Variants in GPHN observed in about 807,000 individuals in gnomAD.
GPHN encodes the protein gephyrin.
In GPHN, 17 loss-of-function variants were observed where a neutral mutation model predicts 95.5. The ratio of observed to expected loss-of-function variants is 0.18; its 90% confidence interval spans 0.12 to 0.27. The LOEUF (loss-of-function observed/expected upper bound fraction) is 0.27. Among genes scored for constraint, GPHN ranks in the 10% least tolerant of loss-of-function variants. The pLI, the probability that GPHN is intolerant of heterozygous loss-of-function variation, is 1.00. For missense variants in GPHN, 660 were observed against 978.1 expected (o/e 0.67, Z 4.34); for synonymous variants, 320 against 322.5 (o/e 0.99, Z 0.08).
At chr14:66,998,713 T>G (rs1343420973) in intron 9 of GPHN, among the ~76,000 whole-genome samples, 1 of 152,070 alleles carries the variant, frequency 6.6e-6, no homozygotes, top group African/African-American at 2.4e-5. Context: ...CACATTGGTT[T>G]ACCAATTGCA....
intron 1 of GPHN, among the ~76,000 whole-genome samples, chr14:66,666,734 G>T (rs1385025233): frequency 6.6e-6 from 1 of 152,170 alleles, no homozygotes; most frequent in East Asian, 1.9e-4. Flanking sequence ...ACAAGACAAG[G>T]ACGCCCTCTC....
At chr14:66,978,988 G>C (rs771183902) in intron 9 of GPHN, among the ~76,000 whole-genome samples, 79 of 152,282 alleles carry the variant, frequency 5.2e-4, no homozygotes, top group Non-Finnish European at 9.3e-4. Context: ...CAATGTCAAT[G>C]AATACTTATA....
At chr14:67,223,998 A>G in the GPHN span, 2 of 983,562 alleles carry the variant, frequency 2.0e-6, no homozygotes, top group East Asian at 1.1e-4. Context: ...ACTGCTCCCC[A>G]TAGTAGTAAA....
intron 8 of GPHN, among the ~76,000 whole-genome samples, chr14:66,938,161 A>G (rs1468710834): frequency 6.6e-6 from 1 of 152,194 alleles, no homozygotes; most frequent in Non-Finnish European, 1.5e-5. Context: ...GTACAATTAT[A>G]TCCTGTTTAA....
the GPHN span, chr14:67,387,403 T>A: frequency 6.2e-7 from 1 of 1,610,946 alleles, no homozygotes; most frequent in Non-Finnish European, 8.5e-7. Flanking sequence ...TAATAGTGTG[T>A]GTCATCCTTA....
At chr14:66,880,644 AAAG>A (rs950442766) in intron 5 of GPHN, among the ~76,000 whole-genome samples, 15 of 152,018 alleles carry the variant, frequency 9.9e-5, no homozygotes, top group African/African-American at 2.9e-4. Context: ...TTGTGAAAAA[AAAG>A]AAGCTCAATT....
chr14:66,652,226 T>A (rs1433284569), intron 1 of GPHN, among the ~76,000 whole-genome samples: 1 of 152,050 alleles, frequency 6.6e-6, no homozygotes, highest in Non-Finnish European at 1.5e-5. Context: ...GGAGATAGAG[T>A]GATAAACAAT....
chr14:67,457,083 C>T, the GPHN span, among the ~76,000 whole-genome samples: 5 of 152,086 alleles, frequency 3.3e-5, no homozygotes, highest in Admixed American at 6.6e-5. Flanking sequence ...ACACTGAGTA[C>T]ACATGGACAT....
At chr14:66,535,225 A>AT (rs1160734336) in intron 1 of GPHN, among the ~76,000 whole-genome samples, 1 of 151,864 alleles carries the variant, frequency 6.6e-6, no homozygotes, top group Admixed American at 6.6e-5. Flanking sequence ...ATTTGGCCCC[A>AT]TTTTTTGAAA....
At chr14:66,840,736 CAAAAAAAAA>C (rs553788734) in intron 4 of GPHN, among the ~76,000 whole-genome samples, 1 of 81,166 alleles carries the variant, frequency 1.2e-5, no homozygotes, top group Non-Finnish European at 3.2e-5. Context: ...GCAGGCCATA[CAAAAAAAAA>C]AAAAAAAAAC....
the GPHN span, among the ~76,000 whole-genome samples, chr14:67,474,358 T>TA: frequency 1.3e-5 from 2 of 152,154 alleles, no homozygotes; most frequent in Admixed American, 6.5e-5. Flanking sequence ...GAGGTGTCTG[T>TA]ACTCCCTAGA....
At chr14:66,631,396 A>T (rs1312010899) in intron 1 of GPHN, among the ~76,000 whole-genome samples, 1 of 152,134 alleles carries the variant, frequency 6.6e-6, no homozygotes, top group African/African-American at 2.4e-5. Context: ...AAACAAATGT[A>T]TTTATTATTC....
chr14:67,479,539 G>A, the GPHN span, among the ~76,000 whole-genome samples: 2 of 151,720 alleles, frequency 1.3e-5, no homozygotes, highest in Non-Finnish European at 2.9e-5. Flanking sequence ...CCAACATGGT[G>A]AAACCACATC....
At chr14:67,127,644 A>G (rs987400334) in intron 17 of GPHN, among the ~76,000 whole-genome samples, 2 of 152,228 alleles carry the variant, frequency 1.3e-5, no homozygotes, top group African/African-American at 4.8e-5. Context: ...CACAGGAAGT[A>G]TCAAGAATAT....
chr14:66,598,759 C>T (rs1031691833), intron 1 of GPHN, among the ~76,000 whole-genome samples: 4 of 151,262 alleles, frequency 2.6e-5, no homozygotes, highest in Non-Finnish European at 5.9e-5. Flanking sequence ...GCAGGAGAAT[C>T]GCTTGACCAC....
chr14:66,793,328 A>AG (rs1325533151), intron 3 of GPHN, among the ~76,000 whole-genome samples: 14 of 152,372 alleles, frequency 9.2e-5, no homozygotes, highest in Admixed American at 2.6e-4. Flanking sequence ...TATATTTGAC[A>AG]GGGAAAGCAC....
Position 67,178,514 on chromosome 14 carries a change from T to G in GPHN, c.2080-1064T>G, listed in dbSNP as rs577228352. Among the ~76,000 whole-genome samples, 8 of 152,346 alleles carry G rather than the reference T, an allele frequency of 5.3e-5. No individual in the cohort carries two copies. In the East Asian group the frequency reaches 1.5e-3, roughly 29 times the overall value. The stretch of plus-strand genomic sequence containing the variant: ...TAACATTTTTTCCTCCATTTCAACC[T>G]TGGTGAATCTGACGATTATGTGCCT... On this transcript the variant is annotated intron_variant, in intron 21 of 22. Coordinates refer to ENST00000478722, the MANE Select transcript of GPHN (RefSeq NM_020806.5).
chr14:66,697,365 A>C (rs7154017), intron 2 of GPHN, among the ~76,000 whole-genome samples: 47,296 of 152,142 alleles, frequency 0.31, 11,170 homozygotes, highest in African/African-American at 0.63. Flanking sequence ...AACTTCTGTA[A>C]GCATCCTTTC....
the GPHN span, among the ~76,000 whole-genome samples, chr14:67,504,391 A>G: frequency 6.6e-6 from 1 of 152,210 alleles, no homozygotes; most frequent in Non-Finnish European, 1.5e-5. Context: ...TTACTGTACT[A>G]CAAACAGCAA....
Sources: gnomAD v4.1 joint callset for allele counts (sites outside exome capture counted in the v4.1 genomes callset) on GRCh38, gnomAD v4.1.1 for gene constraint, MANE v1.5 for transcripts, NCBI Gene and HGNC (gene_info 2026-07-23, HGNC 2026-07-21) for gene names.